The following SLC8A1 variants were observed in gnomAD, a reference collection of about 807,000 sequenced individuals.
The protein encoded by SLC8A1 is solute carrier family 8 member A1.
In SLC8A1, 18 loss-of-function variants were observed where a neutral mutation model predicts 68.3. The observed-to-expected ratio is 0.26, with a 90% CI of 0.18 to 0.39. The LOEUF is 0.39. Among genes scored for constraint, SLC8A1 ranks in the 10% least tolerant of loss-of-function variants. SLC8A1 has a pLI of 1.00. For missense variants in SLC8A1, 985 were observed against 1,156.7 expected, an observed-to-expected ratio of 0.85 and a Z score of 2.15; for synonymous variants, 475 against 415.5, an observed-to-expected ratio of 1.14 and a Z score of -1.74.
chr2:40,399,776 T>G (rs972279511), intron 2 of SLC8A1, among the ~76,000 whole-genome samples: 1 of 152,044 alleles, frequency 6.6e-6, no homozygotes. Flanking sequence ...AAAACCACCA[T>G]CTTTCTAAAT....
chr2:40,204,100 A>C (rs2054920891), intron 2 of SLC8A1, among the ~76,000 whole-genome samples: 1 of 152,006 alleles, frequency 6.6e-6, no homozygotes, highest in Non-Finnish European at 1.5e-5. Context: ...TTTAGATGAC[A>C]TTTGAAAAAT....
intron 1 of SLC8A1, among the ~76,000 whole-genome samples, chr2:40,478,625 C>T (rs1011466202): frequency 2.0e-5 from 3 of 152,122 alleles, no homozygotes; most frequent in African/African-American, 7.2e-5. Flanking sequence ...TTCTCTCTCC[C>T]TTCTGAAAAA....
At chr2:40,441,395 G>GA (rs147850068) in intron 1 of SLC8A1, among the ~76,000 whole-genome samples, 126 of 141,494 alleles carry the variant, frequency 8.9e-4, no homozygotes, top group Middle Eastern at 3.4e-3. Flanking sequence ...CATAGAATTA[G>GA]AAAAAAAAAA....
intron 2 of SLC8A1, among the ~76,000 whole-genome samples, chr2:40,384,002 T>C (rs970972105): frequency 1.3e-5 from 2 of 152,092 alleles, no homozygotes; most frequent in African/African-American, 4.8e-5. Context: ...GACTCACACC[T>C]GCAATCTCAA....
rs1347214304 is a variant in SLC8A1 at position 40,326,517 on chromosome 2, CT to C, written c.1808+101955del. Among the ~76,000 whole-genome samples, 18 of 152,148 alleles carry C rather than the reference CT, an allele frequency of 1.2e-4. No homozygotes were observed. The East Asian group carries it at 3.3e-3, about 28-fold the overall frequency. Reference sequence around the variant, plus strand: ...ACTGTTAAAAACCTTTCTTCTCTGCCTTGGTCTTTTCTTGTCACAGCCCACT... The same window carrying C: ...ACTGTTAAAAACCTTTCTTCTCTGCCTGGTCTTTTCTTGTCACAGCCCACT... On this transcript the variant is annotated intron_variant, in intron 2 of 7. Coordinates refer to ENST00000406785, the Ensembl canonical transcript of SLC8A1.
intron 2 of SLC8A1, among the ~76,000 whole-genome samples, chr2:40,280,171 C>T (rs546586140): frequency 1.4e-5 from 2 of 146,702 alleles, no homozygotes; most frequent in Non-Finnish European, 3.0e-5. Context: ...ATAGTGTAAA[C>T]CTGACTAAAA....
chr2:40,510,358 C>T (rs1322994430), intron 1 of SLC8A1, among the ~76,000 whole-genome samples: 2 of 152,072 alleles, frequency 1.3e-5, no homozygotes, highest in Admixed American at 1.3e-4. Context: ...TTATATTATG[C>T]TTCTTGGATT....
chr2:40,494,727 G>C (rs1705579270), intron 1 of SLC8A1, among the ~76,000 whole-genome samples: 1 of 124,216 alleles, frequency 8.1e-6, no homozygotes, highest in Non-Finnish European at 1.6e-5. Context: ...TTTTTCTTTT[G>C]CTCATGCTCA....
At chr2:40,230,135 C>T (rs552847678) in intron 2 of SLC8A1, among the ~76,000 whole-genome samples, 9 of 152,232 alleles carry the variant, frequency 5.9e-5, no homozygotes, top group South Asian at 4.1e-4. Flanking sequence ...TTAGGCTCCA[C>T]GCTGAAAGAC....
At chr2:40,225,501 T>A (rs938712443) in intron 2 of SLC8A1, among the ~76,000 whole-genome samples, 4 of 152,030 alleles carry the variant, frequency 2.6e-5, no homozygotes, top group Non-Finnish European at 4.4e-5. Flanking sequence ...CAAAAGAATG[T>A]GGTGACTGGA....
At chr2:40,487,327 A>G (rs1297790632) in intron 1 of SLC8A1, among the ~76,000 whole-genome samples, 1 of 152,102 alleles carries the variant, frequency 6.6e-6, no homozygotes, top group Non-Finnish European at 1.5e-5. Flanking sequence ...CACTTTTGGT[A>G]TCTAATGTGC....
At chr2:40,199,615 A>C (rs1220252214) in intron 2 of SLC8A1, among the ~76,000 whole-genome samples, 1 of 151,716 alleles carries the variant, frequency 6.6e-6, no homozygotes, top group Non-Finnish European at 1.5e-5. Context: ...TATAGGTATT[A>C]AGATTCGGAA....
chr2:40,118,291 G>A (rs1377970380), intron 7 of SLC8A1: 1 of 152,270 alleles, frequency 6.6e-6, no homozygotes, highest in Admixed American at 6.5e-5. Context: ...CAGGAAGCCT[G>A]AAGTTTGTCT....
intron 2 of SLC8A1, among the ~76,000 whole-genome samples, chr2:40,418,758 T>C (rs1576333551): frequency 6.6e-6 from 1 of 152,322 alleles, no homozygotes; most frequent in East Asian, 1.9e-4. Context: ...ATTTGAGTTG[T>C]TCCTAATCTC....
intron 2 of SLC8A1, among the ~76,000 whole-genome samples, chr2:40,236,031 A>G (rs964087321): frequency 2.0e-4 from 30 of 152,072 alleles, no homozygotes; most frequent in African/African-American, 6.8e-4. Flanking sequence ...TATGTGGTCA[A>G]TTTTGGAAGA....
chr2:40,378,407 G>T (rs879170346), intron 2 of SLC8A1, among the ~76,000 whole-genome samples: 1 of 152,096 alleles, frequency 6.6e-6, no homozygotes, highest in Non-Finnish European at 1.5e-5. Context: ...TGGAGTACAA[G>T]ACCTAGAAAA....
intron 2 of SLC8A1, among the ~76,000 whole-genome samples, chr2:40,349,008 CTCT>C (rs1335720262): frequency 6.6e-6 from 1 of 152,102 alleles, no homozygotes; most frequent in African/African-American, 2.4e-5. Context: ...AGGAATGTGG[CTCT>C]TCTTCTCCCA....
intron 2 of SLC8A1, among the ~76,000 whole-genome samples, chr2:40,290,043 G>T (rs903430764): frequency 2.0e-5 from 3 of 151,980 alleles, no homozygotes; most frequent in African/African-American, 7.2e-5. Flanking sequence ...CTGTAATAGT[G>T]AACTTAAAAT....
At chr2:40,204,947 G>A (rs1256556407) in intron 2 of SLC8A1, among the ~76,000 whole-genome samples, 1 of 151,930 alleles carries the variant, frequency 6.6e-6, no homozygotes. Flanking sequence ...ATTGAGTGGT[G>A]AGATGTGCCA....
Sources: gnomAD v4.1 joint callset for allele counts (sites outside exome capture counted in the v4.1 genomes callset) on GRCh38, gnomAD v4.1.1 for gene constraint, MANE v1.5 for transcripts, NCBI Gene and HGNC (gene_info 2026-07-23, HGNC 2026-07-21) for gene names.